The following HIPK2 variants were observed in gnomAD, a reference collection of about 807,000 sequenced individuals.
The protein encoded by HIPK2 is homeodomain-interacting protein kinase 2.
Under a neutral mutation model 113.7 loss-of-function variants are expected in HIPK2, and 27 were observed. That is an observed-to-expected ratio of 0.24 (90% CI 0.17 to 0.33). The LOEUF (loss-of-function observed/expected upper bound fraction) is 0.33, where lower values mean the gene tolerates loss of function less well. HIPK2 is among the 10% of genes least tolerant of loss of function. HIPK2 has a pLI of 1.00. For missense variants in HIPK2, 1,257 were observed against 1,588.0 expected, an observed-to-expected ratio of 0.79 and a Z score of 3.54; for synonymous variants, 631 against 642.2, an observed-to-expected ratio of 0.98 and a Z score of 0.26.
chr7:139,610,354 A>G (rs1317637948), intron 9 of HIPK2, among the ~76,000 whole-genome samples: 1 of 152,206 alleles, frequency 6.6e-6, no homozygotes, highest in Non-Finnish European at 1.5e-5. Context: ...GCACTGGGAG[A>G]CTGGTGTGGA....
At chr7:139,664,970 T>A in intron 2 of HIPK2, among the ~76,000 whole-genome samples, 1 of 152,178 alleles carries the variant, frequency 6.6e-6, no homozygotes, top group South Asian at 2.1e-4. Flanking sequence ...AACACCACCA[T>A]AACAACAGTT....
chr7:139,655,692 C>A (rs1181953315), intron 2 of HIPK2, among the ~76,000 whole-genome samples: 1 of 152,104 alleles, frequency 6.6e-6, no homozygotes, highest in Non-Finnish European at 1.5e-5. Flanking sequence ...TCCTAAGCAA[C>A]CCACAAGTCC....
intron 12 of HIPK2, among the ~76,000 whole-genome samples, chr7:139,588,489 C>A: frequency 6.9e-6 from 1 of 145,390 alleles, no homozygotes; most frequent in Non-Finnish European, 1.5e-5. Flanking sequence ...ACAATCCAGT[C>A]GGGGTGACAC....
At chr7:139,587,352 G>A (rs911937781) in intron 12 of HIPK2, among the ~76,000 whole-genome samples, 1 of 151,880 alleles carries the variant, frequency 6.6e-6, no homozygotes, top group African/African-American at 2.4e-5. Context: ...TTAGCCGGGA[G>A]TGGTGGTGGG....
At chr7:139,609,803 C>T (rs1799749237) in intron 9 of HIPK2, among the ~76,000 whole-genome samples, 1 of 152,142 alleles carries the variant, frequency 6.6e-6, no homozygotes, top group Non-Finnish European at 1.5e-5. Flanking sequence ...CAACACGATA[C>T]TGGATAGGGC....
intron 5 of HIPK2, 49 bp downstream of exon 5, chr7:139,628,904 G>T: frequency 2.0e-6 from 3 of 1,488,204 alleles, no homozygotes; most frequent in Non-Finnish European, 1.8e-6. Flanking sequence ...AAGTCTTGCT[G>T]CCCTTGGTTT....
chr7:139,668,325 G>T (rs1802130187), intron 2 of HIPK2, among the ~76,000 whole-genome samples: 1 of 152,078 alleles, frequency 6.6e-6, no homozygotes, highest in South Asian at 2.1e-4. Flanking sequence ...ACTTTGGGAG[G>T]CCGAGGTGGG....
At chr7:139,578,709 CG>C (rs570018927) in intron 13 of HIPK2, among the ~76,000 whole-genome samples, 8 of 152,272 alleles carry the variant, frequency 5.3e-5, no homozygotes, top group African/African-American at 1.9e-4. Context: ...CTTGCTCTGT[CG>C]CTCAGGTTGG....
intron 13 of HIPK2, among the ~76,000 whole-genome samples, chr7:139,583,168 G>T (rs913473723): frequency 6.6e-6 from 1 of 152,230 alleles, no homozygotes; most frequent in Non-Finnish European, 1.5e-5. Flanking sequence ...ATGAGCAAGG[G>T]AAACGCTAAA....
At chr7:139,635,434 T>C (rs1800777508) in intron 2 of HIPK2, among the ~76,000 whole-genome samples, 1 of 151,880 alleles carries the variant, frequency 6.6e-6, no homozygotes, top group African/African-American at 2.4e-5. Context: ...CATTCCCCAG[T>C]GATGAACAAG....
intron 2 of HIPK2, among the ~76,000 whole-genome samples, chr7:139,706,165 T>C (rs148441064): frequency 0.017 from 2,581 of 152,360 alleles, 82 homozygotes; most frequent in African/African-American, 0.057. Flanking sequence ...AGATGTTGGC[T>C]GATTTCAGGG....
intron 2 of HIPK2, among the ~76,000 whole-genome samples, chr7:139,690,756 C>T (rs1462972022): frequency 2.0e-5 from 3 of 152,228 alleles, no homozygotes; most frequent in Admixed American, 6.5e-5. Flanking sequence ...AATCCGCACA[C>T]GCCAGCTCCC....
chr7:139,572,894 T>TGCCAACCCAACC lies in HIPK2; in HGVS notation c.*32_*33insGGTTGGGTTGGC. 1.8e-6 allele frequency: 1 copy of TGCCAACCCAACC among 554,278 alleles called. No homozygotes were observed. Among genetic ancestry groups the TGCCAACCCAACC allele is most frequent in the Non-Finnish European group, 3.3e-6 (1 of 302,510 alleles). 34.3% of individuals were successfully genotyped at this position (554,278 alleles called of 1,614,324 possible). On this transcript the variant is annotated 3_prime_UTR_variant, in exon 15 of 15. Transcript: ENST00000406875. ...CTCCCTCCTCCCTCGGGCCATTCTC[T>TGCCAACCCAACC]CCCTCCCTCCCTCCCTCCCTCCCCT...
intron 2 of HIPK2, among the ~76,000 whole-genome samples, chr7:139,638,546 T>G (rs1451860917): frequency 2.0e-5 from 3 of 152,100 alleles, no homozygotes; most frequent in Admixed American, 1.3e-4. Flanking sequence ...AACATATATA[T>G]GAAGTGTCAG....
intron 2 of HIPK2, among the ~76,000 whole-genome samples, chr7:139,687,040 A>G (rs1267517032): frequency 6.6e-6 from 1 of 152,244 alleles, no homozygotes; most frequent in Non-Finnish European, 1.5e-5. Context: ...CAGCAAAAAG[A>G]TTATGACTCA....
In HIPK2 at chr7:139,717,008, G is replaced by A. The variant is rs1310061857; in HGVS notation, c.27C>T (p.Ala9=). The change falls in exon 2 of 15, where the codon GCC becomes GCT. Residue 9 remains alanine (A), a synonymous_variant. Transcript: ENST00000406875. MAPVYEGM[A]SHVQVFSPHT... is the part of the protein sequence containing the mutation. ...GAGGGGAGAAAACTTGCACATGTGA[G>A]GCCATACCTACAAGGAAAGGAAAAC... The A allele has an allele frequency of 1.2e-6, 2 of 1,605,260 alleles. No individual in the cohort carries two copies. The highest frequency in any genetic ancestry group is 1.7e-6 in the Non-Finnish European group (2 of 1,173,072).
In HIPK2 at chr7:139,702,507, G is replaced by A. The variant is rs1052240098; in HGVS notation, c.1103+13425C>T. Among the ~76,000 whole-genome samples the A allele has an allele frequency of 5.7e-4, 87 of 152,260 alleles. 1 individual carries two copies. The highest frequency in any genetic ancestry group is 2.0e-3 in the African/African-American group (84 of 41,550). On this transcript the variant is annotated intron_variant, in intron 2 of 14. Transcript: ENST00000406875. ...AGGATACGTACCCCATTACATCCAG[G>A]ACAAAGGAAGTTCTCTCCCTGGGGG...
Position 139,630,824 on chromosome 7 carries a change from G to A in HIPK2, c.1347+341C>T, listed in dbSNP as rs555565122. ...GAACAGGGCCCTTACTACAGTGGGC[G>A]GGAGCTTGTGGCACATGGTCCTGTC... On this transcript the variant is annotated intron_variant, in intron 4 of 14. Coordinates refer to ENST00000406875, the MANE Select transcript of HIPK2 (RefSeq NM_022740.5). The surrounding 1 kb of genome is among the most constrained non-coding windows in gnomAD (Gnocchi z 4.0). 1.1e-4 allele frequency among the ~76,000 whole-genome samples: 16 copies of A among 152,328 alleles called. No homozygotes were observed. Among genetic ancestry groups the A allele is most frequent in the African/African-American group, 2.6e-4 (11 of 41,576 alleles).
chr7:139,703,108 A>G (rs1038007552), intron 2 of HIPK2, among the ~76,000 whole-genome samples: 137 of 152,328 alleles, frequency 9.0e-4, no homozygotes, highest in Middle Eastern at 3.4e-3. Flanking sequence ...AAGAAAAATT[A>G]GGCATGGTAC....
Sources: allele counts gnomAD v4.1 joint callset (sites outside exome capture counted in the v4.1 genomes callset), GRCh38; gene constraint gnomAD v4.1.1; non-coding constraint Gnocchi (gnomAD v3.1); transcripts MANE v1.5; gene names NCBI Gene and HGNC (gene_info 2026-07-23, HGNC 2026-07-21).